ARHGAP22: variants seen among roughly 807,000 people sequenced by gnomAD.
The protein encoded by ARHGAP22 is rho GTPase-activating protein 22.
ARHGAP22 carries 48 observed loss-of-function variants against 59.1 expected under a neutral mutation model. That is an observed-to-expected ratio of 0.81 (90% confidence interval 0.64 to 1.03). The LOEUF is 1.03. Ranked by LOEUF, ARHGAP22 falls within the 50% of genes least tolerant of loss-of-function variation. The pLI, the probability that ARHGAP22 is intolerant of heterozygous loss-of-function variation, is 0.00. For missense variants in ARHGAP22, 1,015 were observed against 958.7 expected (o/e 1.06, Z -0.78); for synonymous variants, 445 against 416.4 (o/e 1.07, Z -0.84).
chr10:48,553,686 CTA>C, intron 3 of ARHGAP22, among the ~76,000 whole-genome samples: 1 of 152,160 alleles, frequency 6.6e-6, no homozygotes, highest in Non-Finnish European at 1.5e-5. Context: ...AACCTTGTGA[CTA>C]TGTTACCTTA....
In ARHGAP22 at chr10:48,583,150, G is replaced by A. The variant is rs375658712; in HGVS notation, c.37C>T (p.Arg13Cys). 2.5e-5 allele frequency: 40 copies of A among 1,613,480 alleles called. No homozygotes were observed. Among genetic ancestry groups the A allele is most frequent in the South Asian group, 2.2e-4 (20 of 91,032 alleles). The part of the protein sequence containing the change: ...SPKIRQARRA[R>C]SKSLVMGEQS... ...TCCCCCATCACTAGGCTTTTGGAGC[G>A]GGCTGAAAGCCAAGGACACACAGAG... Residue 13 changes from arginine (R) to cysteine (C), a missense_variant and splice_region_variant, in exon 2 of 10, where the codon CGC becomes TGC. By Grantham distance (180) the Arg-to-Cys change is radical. Coordinates refer to ENST00000249601, the MANE Select transcript of ARHGAP22 (RefSeq NM_021226.4).
At chr10:48,621,550 C>G (rs141706979) in intron 1 of ARHGAP22, among the ~76,000 whole-genome samples, 1 of 152,138 alleles carries the variant, frequency 6.6e-6, no homozygotes, top group East Asian at 1.9e-4. Flanking sequence ...ATTGTTTATC[C>G]TAGTATCCTC....
chr10:48,636,442 G>T (rs1164095912), intron 1 of ARHGAP22, among the ~76,000 whole-genome samples: 1 of 152,132 alleles, frequency 6.6e-6, no homozygotes, highest in Non-Finnish European at 1.5e-5. Flanking sequence ...GCTTGAGTCT[G>T]CCCACTGGGC....
At position 48,451,102 on chromosome 10, in the gene ARHGAP22, G is replaced by A. The variant is rs752646881; in HGVS notation, c.1027C>T (p.Arg343Cys). The change falls in exon 9 of 10, where the codon CGC becomes TGC. Residue 343 changes from arginine (R) to cysteine (C), a missense_variant. Physicochemically the swap from Arg to Cys is radical, Grantham distance 180. Coordinates refer to ENST00000249601, the MANE Select transcript of ARHGAP22 (RefSeq NM_021226.4). ...LVQHLMTVLIRKHSQLFTAPV... is the reference protein window; with the variant it reads ...LVQHLMTVLICKHSQLFTAPV... ...GCCGTGAAGAGCTGGCTGTGTTTGC[G>A]GATGAGGACGGTCATCAGGTGCTGG... The A allele has an allele frequency of 2.4e-5, 38 of 1,553,072 alleles. No individual in the cohort carries two copies. The highest frequency in any genetic ancestry group is 3.6e-5 in the South Asian group (3 of 84,182).
At chr10:48,596,014 T>G (rs1449340076) in intron 1 of ARHGAP22, among the ~76,000 whole-genome samples, 1 of 100,732 alleles carries the variant, frequency 9.9e-6, no homozygotes, top group African/African-American at 2.8e-5. Flanking sequence ...ATTAGGTAGA[T>G]TAGAGAGTTT....
intron 3 of ARHGAP22, among the ~76,000 whole-genome samples, chr10:48,539,637 G>T (rs1248013018): frequency 1.3e-5 from 2 of 152,172 alleles, no homozygotes; most frequent in Non-Finnish European, 2.9e-5. Flanking sequence ...TTCACTTAAT[G>T]CTTCTAATAT....
intron 3 of ARHGAP22, among the ~76,000 whole-genome samples, chr10:48,483,172 T>G (rs1002692555): frequency 1.3e-4 from 20 of 152,192 alleles, no homozygotes; most frequent in African/African-American, 4.8e-4. Context: ...TATCCATTCA[T>G]CCACTGATGG....
the ARHGAP22 span, chr10:48,431,284 T>C: frequency 6.4e-7 from 1 of 1,570,772 alleles, no homozygotes. Context: ...GGTTACAATA[T>C]AAGCTTGGTT....
chr10:48,639,438 C>A (rs1349702101), intron 1 of ARHGAP22, among the ~76,000 whole-genome samples: 1 of 152,214 alleles, frequency 6.6e-6, no homozygotes, highest in Non-Finnish European at 1.5e-5. Flanking sequence ...AAAGCCAAGG[C>A]AGTCTTGAAA....
intron 2 of ARHGAP22, chr10:48,582,675 C>G (rs1203142316): frequency 6.1e-6 from 3 of 494,034 alleles, no homozygotes; most frequent in Non-Finnish European, 1.1e-5. Flanking sequence ...CCAAAAAGAA[C>G]ATGGAAGACG....
At chr10:48,487,583 T>G (rs1017815445) in intron 3 of ARHGAP22, among the ~76,000 whole-genome samples, 1 of 152,138 alleles carries the variant, frequency 6.6e-6, no homozygotes, top group African/African-American at 2.4e-5. Context: ...AGCCAGGAGC[T>G]GATGAATGCA....
At chr10:48,550,303 C>T (rs1051157037) in intron 3 of ARHGAP22, among the ~76,000 whole-genome samples, 13 of 152,344 alleles carry the variant, frequency 8.5e-5, no homozygotes, top group African/African-American at 3.1e-4. Context: ...GCCTTCCTGC[C>T]TGCTTCCTGA....
intron 3 of ARHGAP22, among the ~76,000 whole-genome samples, chr10:48,528,657 A>G (rs1425422049): frequency 1.3e-5 from 2 of 152,218 alleles, no homozygotes; most frequent in Middle Eastern, 3.4e-3. Context: ...TATGACCTCC[A>G]GTGTTGGAGG....
chr10:48,580,175 C>T (rs970479305), intron 2 of ARHGAP22, among the ~76,000 whole-genome samples: 1 of 152,208 alleles, frequency 6.6e-6, no homozygotes. Context: ...AATAAATGCC[C>T]TGGTTCAGTT....
At chr10:48,485,672 A>G (rs1475838576) in intron 3 of ARHGAP22, among the ~76,000 whole-genome samples, 2 of 152,194 alleles carry the variant, frequency 1.3e-5, no homozygotes, top group African/African-American at 4.8e-5. Context: ...GGTAGTTTGA[A>G]GCTGTTATGG....
At chr10:48,655,266 G>C (rs1196018314), upstream of ARHGAP22, among the ~76,000 whole-genome samples, 1 of 142,324 alleles carries the variant, frequency 7.0e-6, no homozygotes, top group Non-Finnish European at 1.5e-5. Flanking sequence ...TGGGGGGGGG[G>C]GGGGGCGGGG....
At chr10:48,479,610 G>A (rs769401047) in intron 4 of ARHGAP22, 26 bp downstream of exon 4, 5 of 1,613,846 alleles carry the variant, frequency 3.1e-6, no homozygotes, top group Non-Finnish European at 8.5e-7. Flanking sequence ...GTTCTAGAGG[G>A]TGGGCATGCG....
chr10:48,622,021 A>C (rs1023535361), intron 1 of ARHGAP22, among the ~76,000 whole-genome samples: 1 of 151,848 alleles, frequency 6.6e-6, no homozygotes, highest in African/African-American at 2.4e-5. Flanking sequence ...CATTCAACCT[A>C]TTTGTGTCTT....
Position 48,459,754 on chromosome 10 carries a change from G to A in ARHGAP22, c.589C>T (p.Pro197Ser). The change falls in exon 5 of 10, where the codon CCA becomes TCA. Residue 197 changes from proline (P) to serine (S), a missense_variant. Transcript: ENST00000249601. ...TCCCTCACCAGGTTGGCCTGGCCTG[G>A]CATGCGGAACAGCCCCTCCTCAGTG... ...GLTEEGLFRMPGQANLVRDLQ... is the reference protein window; with the variant it reads ...GLTEEGLFRMSGQANLVRDLQ... The A allele has an allele frequency of 6.2e-7, 1 of 1,614,058 alleles. No individual in the cohort carries two copies. Among genetic ancestry groups the A allele is most frequent in the Non-Finnish European group, 8.5e-7 (1 of 1,180,026 alleles).
Sources: allele counts gnomAD v4.1 joint callset (sites outside exome capture counted in the v4.1 genomes callset), GRCh38; gene constraint gnomAD v4.1.1; transcripts MANE v1.5; gene names NCBI Gene and HGNC (gene_info 2026-07-23, HGNC 2026-07-21).